Variants in SDAD1 observed in about 807,000 individuals in gnomAD.
SDAD1 encodes protein SDA1 homolog.
Under a neutral mutation model 100.3 loss-of-function variants are expected in SDAD1, and 79 were observed. The ratio of observed to expected loss-of-function variants is 0.79; its 90% CI spans 0.66 to 0.95. SDAD1 has a LOEUF of 0.95. Among genes scored for constraint, SDAD1 ranks in the 40% least tolerant of loss-of-function variants. The pLI is 0.00. For synonymous variants in SDAD1, 267 were observed against 271.4 expected, an observed-to-expected ratio of 0.98 and a Z score of 0.16; for missense variants, 790 against 810.9, an observed-to-expected ratio of 0.97 and a Z score of 0.31.
chr4:75,978,077 T>C (rs1432024090), intron 3 of SDAD1, among the ~76,000 whole-genome samples: 2 of 152,168 alleles, frequency 1.3e-5, no homozygotes, highest in African/African-American at 4.8e-5. Flanking sequence ...AGTGTCATCA[T>C]ACGGCAAAAC....
chr4:75,964,874 T>C (rs1208157706), intron 13 of SDAD1, among the ~76,000 whole-genome samples: 1 of 152,216 alleles, frequency 6.6e-6, no homozygotes, highest in Non-Finnish European at 1.5e-5. Flanking sequence ...ATGCCTGTCT[T>C]TAATCTCTTA....
chr4:75,963,777 C>T (rs1161436517), intron 14 of SDAD1, among the ~76,000 whole-genome samples: 1 of 152,116 alleles, frequency 6.6e-6, no homozygotes, highest in African/African-American at 2.4e-5. Context: ...CAATGCCATG[C>T]CCTTGGACTT....
rs748530159 is a variant in SDAD1, at chr4:75,957,845, A to C, written c.1578+2T>G. On this transcript the variant is annotated splice_donor_variant, in intron 18 of 21. Coordinates refer to ENST00000356260, the MANE Select transcript of SDAD1 (RefSeq NM_018115.4). LOFTEE classifies it high-confidence loss of function. ...GTTATAAGATGAAATTTTCAGACTTACGATTTCTTGCTGTTCTTCATCGGA... is the reference window on the plus strand; with the variant it reads ...GTTATAAGATGAAATTTTCAGACTTCCGATTTCTTGCTGTTCTTCATCGGA... The C allele has an allele frequency of 2.9e-5, 47 of 1,614,074 alleles. No individual in the cohort carries two copies. The highest frequency in any genetic ancestry group is 4.0e-5 in the Non-Finnish European group (47 of 1,179,914).
At chr4:75,956,835 C>T (rs542101768) in intron 20 of SDAD1, among the ~76,000 whole-genome samples, 11 of 152,316 alleles carry the variant, frequency 7.2e-5, no homozygotes, top group South Asian at 2.1e-4. Context: ...ACTGGCTGGG[C>T]GCAATGGCTC....
At chr4:75,990,047 T>C (rs1018744960) in intron 1 of SDAD1, among the ~76,000 whole-genome samples, 2 of 152,206 alleles carry the variant, frequency 1.3e-5, no homozygotes, top group Non-Finnish European at 2.9e-5. Flanking sequence ...CAGATTAATA[T>C]ATCAAAAACC....
intron 9 of SDAD1, 68 bp downstream of exon 9, chr4:75,971,289 C>CT: frequency 9.4e-7 from 1 of 1,067,348 alleles, no homozygotes; most frequent in Non-Finnish European, 1.4e-6. Flanking sequence ...TTCTTAAAAG[C>CT]TCTGGCTAAC....
chr4:75,965,355 C>A (rs952896348), intron 13 of SDAD1, among the ~76,000 whole-genome samples: 1 of 152,156 alleles, frequency 6.6e-6, no homozygotes, highest in East Asian at 1.9e-4. Flanking sequence ...AATGACAATG[C>A]GTGCCCGAAA....
At chr4:75,965,560 CATGTG>C (rs2149316228) in intron 13 of SDAD1, among the ~76,000 whole-genome samples, 199 bp downstream of exon 13, 1 of 152,282 alleles carries the variant, frequency 6.6e-6, no homozygotes, top group African/African-American at 2.4e-5. Context: ...AACCTGCCGA[CATGTG>C]ATGTCTCCCC....
intron 7 of SDAD1, 52 bp downstream of exon 7, chr4:75,974,024 A>G: frequency 1.3e-6 from 2 of 1,489,198 alleles, no homozygotes; most frequent in Non-Finnish European, 1.9e-6. Flanking sequence ...AACTGCATGC[A>G]GAAGCAGACC....
intron 4 of SDAD1, among the ~76,000 whole-genome samples, chr4:75,976,783 T>A (rs1357594717): frequency 6.6e-6 from 1 of 152,166 alleles, no homozygotes; most frequent in Non-Finnish European, 1.5e-5. Flanking sequence ...CCTAACTGCA[T>A]GCAGGAAAAT....
chr4:75,981,923 A>G lies in SDAD1; in HGVS notation c.195+10T>C. On this transcript the variant is annotated intron_variant, in intron 2 of 21. Coordinates refer to ENST00000356260, the MANE Select transcript of SDAD1 (RefSeq NM_018115.4). ...AATACTGGTCTTTATTTAAGCAATT[A>G]TATTCTTACCTGTGCCATAAACATC... 1.3e-6 allele frequency: 2 copies of G among 1,573,702 alleles called. No homozygotes were observed. Among genetic ancestry groups the G allele is most frequent in the Non-Finnish European group, 8.7e-7 (1 of 1,149,888 alleles).
chr4:75,962,959 T>C (rs796518618), intron 14 of SDAD1, among the ~76,000 whole-genome samples: 2 of 152,228 alleles, frequency 1.3e-5, no homozygotes, highest in South Asian at 4.1e-4. Context: ...AGATATGAAG[T>C]CCTTGTCCAT....
chr4:75,958,783 C>T (rs921064885), intron 17 of SDAD1, among the ~76,000 whole-genome samples: 1 of 150,364 alleles, frequency 6.7e-6, no homozygotes, highest in African/African-American at 2.5e-5. Context: ...CAGTCACCAT[C>T]TCTCCAAAGC....
At position 75,971,143 on chromosome 4, in the gene SDAD1, A is replaced by G. The variant is rs569448916; in HGVS notation, c.813+214T>C. 2.0e-5 allele frequency among the ~76,000 whole-genome samples: 3 copies of G among 152,366 alleles called. 1 individual carries two copies. The highest frequency in any genetic ancestry group is 6.8e-3 in the Middle Eastern group (2 of 294). ...GCCACCTTGATCAGAACAAGTAAAA[A>G]GTGAATTTAATTAAACTAATTTATC... On this transcript the variant is annotated intron_variant, in intron 9 of 21. Transcript: ENST00000356260.
At chr4:75,954,529 C>A (rs1166791886) in intron 21 of SDAD1, among the ~76,000 whole-genome samples, 1 of 151,930 alleles carries the variant, frequency 6.6e-6, no homozygotes, top group Non-Finnish European at 1.5e-5. Context: ...AAAAATTAGC[C>A]GGGTGTGGTG....
intron 1 of SDAD1, among the ~76,000 whole-genome samples, chr4:75,984,631 C>T (rs1024661372): frequency 2.6e-5 from 4 of 152,144 alleles, no homozygotes; most frequent in Admixed American, 2.0e-4. Flanking sequence ...AACTCACTTA[C>T]TTATGTTTAG....
At chr4:75,952,706 G>A (rs1560532839) in intron 21 of SDAD1, among the ~76,000 whole-genome samples, 1 of 152,170 alleles carries the variant, frequency 6.6e-6, no homozygotes, top group Non-Finnish European at 1.5e-5. Flanking sequence ...TGTAACTGTT[G>A]TGTCCAATAG....
chr4:75,980,150 G>A (rs1250982217), intron 3 of SDAD1, among the ~76,000 whole-genome samples: 1 of 152,148 alleles, frequency 6.6e-6, no homozygotes, highest in Non-Finnish European at 1.5e-5. Flanking sequence ...AGAGTAACAT[G>A]ACATAGGTAA....
intron 12 of SDAD1, among the ~76,000 whole-genome samples, chr4:75,966,535 G>C (rs540382765): frequency 6.6e-6 from 1 of 152,104 alleles, no homozygotes; most frequent in South Asian, 2.1e-4. Flanking sequence ...ATAAATGTTA[G>C]TTTCCTTCCT....
Sources: gnomAD v4.1 joint callset for allele counts (sites outside exome capture counted in the v4.1 genomes callset) on GRCh38, gnomAD v4.1.1 for gene constraint, MANE v1.5 for transcripts, NCBI Gene and HGNC (gene_info 2026-07-23, HGNC 2026-07-21) for gene names.